Variants in KIAA1671 observed in about 807,000 individuals in gnomAD.
KIAA1671 encodes uncharacterized protein KIAA1671.
Under a neutral mutation model 131.2 loss-of-function variants are expected in KIAA1671, and 52 were observed. The ratio of observed to expected loss-of-function variants is 0.40; its 90% CI spans 0.32 to 0.50. The LOEUF is 0.50. KIAA1671 is among the 20% of genes least tolerant of loss of function. The pLI is 0.73. For missense variants in KIAA1671, 2,360 were observed against 2,364.2 expected (o/e 1.00, Z 0.04); for synonymous variants, 1,003 against 961.6 (o/e 1.04, Z -0.80).
At position 25,156,012 on chromosome 22, in the gene KIAA1671, CTTTTTTTTTT is replaced by C. The variant is rs57822676; in HGVS notation, c.4531-14790_4531-14781del. 2.1e-3 allele frequency among the ~76,000 whole-genome samples: 75 copies of C among 35,342 alleles called. 2 individuals carry two copies. The highest frequency in any genetic ancestry group is 4.9e-3 in the African/African-American group (68 of 13,906). 23.2% of individuals were successfully genotyped at this position (35,342 alleles called of 152,430 possible). On this transcript the variant is annotated intron_variant, in intron 6 of 12. Coordinates refer to ENST00000358431, the MANE Select transcript of KIAA1671 (RefSeq NM_001145206.2). ...TTTTGTGCATGTATGTGTGTATGTG[CTTTTTTTTTT>C]TTTTTTTTTTTTTTTTTGAGATGGA...
intron 1 of KIAA1671, among the ~76,000 whole-genome samples, chr22:24,983,846 T>C (rs1452739179): frequency 6.7e-6 from 1 of 150,220 alleles, no homozygotes; most frequent in Non-Finnish European, 1.5e-5. Context: ...TGGTGCGATC[T>C]CGGCTCACCA....
chr22:25,094,293 C>G (rs1258517967), intron 6 of KIAA1671, among the ~76,000 whole-genome samples: 3 of 152,072 alleles, frequency 2.0e-5, no homozygotes, highest in Non-Finnish European at 2.9e-5. Flanking sequence ...TCCAGAGGGA[C>G]TGGCGTGTTG....
intron 1 of KIAA1671, among the ~76,000 whole-genome samples, chr22:25,016,246 C>T (rs1213087938): frequency 1.3e-5 from 2 of 152,128 alleles, no homozygotes; most frequent in Non-Finnish European, 2.9e-5. Context: ...GTCTCGATCT[C>T]CTGACCTCGT....
chr22:25,029,672 A>T (rs1354230295), intron 3 of KIAA1671, 132 bp downstream of exon 3: 1 of 685,056 alleles, frequency 1.5e-6, no homozygotes, highest in Non-Finnish European at 2.4e-6. Context: ...AGGTAGTGGC[A>T]GTGTCCATTT....
Position 25,062,041 on chromosome 22 carries a change from T to C in KIAA1671, c.4530+12677T>C, listed in dbSNP as rs1344300637. On this transcript the variant is annotated intron_variant, in intron 6 of 12. Transcript: ENST00000358431. ...ATCTCTTCCTCCCTTTTCTCCTCCT[T>C]CTGCACTTTTTTTTTTCTTTTTAAA... 2.0e-5 allele frequency: 3 copies of C among 148,500 alleles called. No individual in the cohort carries two copies. In the South Asian group the frequency reaches 6.5e-4, roughly 32 times the overall value. The allele number at this position is 148,500 out of a possible 1,614,324, so 9.2% of individuals were successfully genotyped here.
intron 1 of KIAA1671, among the ~76,000 whole-genome samples, chr22:25,025,412 C>G (rs2123897261): frequency 6.6e-6 from 1 of 152,262 alleles, no homozygotes; most frequent in South Asian, 2.1e-4. Flanking sequence ...ATAAATGTAT[C>G]AGAGAACAGG....
chr22:24,968,067 C>T (rs1219389006), intron 1 of KIAA1671, among the ~76,000 whole-genome samples: 3 of 152,084 alleles, frequency 2.0e-5, no homozygotes, highest in Non-Finnish European at 2.9e-5. Flanking sequence ...CTTGGAGAGG[C>T]GAGGTGCCTG....
At chr22:24,996,636 C>T (rs1273770834) in intron 1 of KIAA1671, among the ~76,000 whole-genome samples, 1 of 152,102 alleles carries the variant, frequency 6.6e-6, no homozygotes, top group Non-Finnish European at 1.5e-5. Flanking sequence ...GGACATTTGG[C>T]CTCAGTCTGA....
In KIAA1671 at chr22:25,180,852, C is replaced by T. The variant is rs927464628; in HGVS notation, c.5075-847C>T. Among the ~76,000 whole-genome samples, 28 of 152,296 alleles carry T rather than the reference C, an allele frequency of 1.8e-4. 1 individual carries two copies. The highest frequency in any genetic ancestry group is 6.2e-4 in the South Asian group (3 of 4,826). On this transcript the variant is annotated intron_variant, in intron 9 of 12. Coordinates refer to ENST00000358431, the MANE Select transcript of KIAA1671 (RefSeq NM_001145206.2). ...TCTGCACTTTCTTGGTTTTCTGAGC[C>T]AAGTTCTATTAAGCCACCTGGAGCA...
intron 6 of KIAA1671, among the ~76,000 whole-genome samples, chr22:25,126,321 G>A (rs1483971481): frequency 1.3e-5 from 2 of 152,180 alleles, no homozygotes; most frequent in East Asian, 3.9e-4. Flanking sequence ...TTAATTCGTA[G>A]CTAGGAGCCT....
intron 4 of KIAA1671, among the ~76,000 whole-genome samples, chr22:25,036,154 C>T (rs1388618437): frequency 6.6e-6 from 1 of 152,142 alleles, no homozygotes; most frequent in African/African-American, 2.4e-5. Context: ...AATCTCAGCT[C>T]ACTGCAACCT....
At chr22:25,190,455 A>G (rs1359572408) in intron 11 of KIAA1671, among the ~76,000 whole-genome samples, 1 of 152,232 alleles carries the variant, frequency 6.6e-6, no homozygotes, top group Admixed American at 6.5e-5. Context: ...GCCATGGACC[A>G]GTATCGGTCT....
chr22:25,185,073 G>C lies in KIAA1671; in HGVS notation c.5296G>C (p.Val1766Leu). 6.4e-7 allele frequency: 1 copy of C among 1,551,690 alleles called. No individual in the cohort carries two copies. The highest frequency in any genetic ancestry group is 8.7e-7 in the Non-Finnish European group (1 of 1,146,998). ...KSPKSPFQPG[V>L]LGSRVLPSSM... The stretch of plus-strand genomic sequence containing the variant: ...CCCCAAGTCCCCCTTCCAGCCTGGG[G>C]TGCTGGGCAGTCGCGTGCTGCCTTC... Residue 1766 changes from valine to leucine, a missense_variant, in exon 11 of 13, where the codon GTG becomes CTG. By Grantham distance (32) the Val-to-Leu change is conservative. Transcript: ENST00000358431.
intron 6 of KIAA1671, among the ~76,000 whole-genome samples, chr22:25,130,413 G>A (rs1417717100): frequency 1.3e-5 from 2 of 152,212 alleles, no homozygotes; most frequent in South Asian, 4.1e-4. Flanking sequence ...AGAATCCATC[G>A]TATTTGATCC....
At chr22:25,077,944 G>A (rs1036829353) in intron 6 of KIAA1671, among the ~76,000 whole-genome samples, 3 of 152,180 alleles carry the variant, frequency 2.0e-5, no homozygotes, top group Non-Finnish European at 2.9e-5. Flanking sequence ...CCTCTTTGAC[G>A]CTAAGTGCCT....
At chr22:24,998,229 C>T (rs573591835) in intron 1 of KIAA1671, among the ~76,000 whole-genome samples, 1 of 152,000 alleles carries the variant, frequency 6.6e-6, no homozygotes, top group South Asian at 2.1e-4. Context: ...GGTGAAACCC[C>T]ATCTCTACAA....
chr22:24,957,114 T>C (rs924103609), intron 1 of KIAA1671, among the ~76,000 whole-genome samples: 4 of 152,162 alleles, frequency 2.6e-5, no homozygotes, highest in African/African-American at 9.7e-5. Flanking sequence ...AGGGGTGGTA[T>C]GATTATTATC....
chr22:25,154,206 G>A (rs73403567), intron 6 of KIAA1671, among the ~76,000 whole-genome samples: 12 of 152,286 alleles, frequency 7.9e-5, no homozygotes, highest in African/African-American at 2.9e-4. Flanking sequence ...CTGGCCTCTG[G>A]GTTCTCCACA....
rs567245225 is a variant in KIAA1671 at position 25,168,216 on chromosome 22, C to T, written c.4531-2604C>T. On this transcript the variant is annotated intron_variant, in intron 6 of 12. Coordinates refer to ENST00000358431, the MANE Select transcript of KIAA1671 (RefSeq NM_001145206.2). ...TGCCAGGCAGGCTCCAAGAGGGGAACAGAAACATTGGAGCATCCCAGTCTT... is the reference window on the plus strand; with the variant it reads ...TGCCAGGCAGGCTCCAAGAGGGGAATAGAAACATTGGAGCATCCCAGTCTT... 2.6e-5 allele frequency among the ~76,000 whole-genome samples: 4 copies of T among 152,324 alleles called. No homozygotes were observed. In the South Asian group the frequency reaches 8.3e-4, roughly 32 times the overall value.
Sources: allele counts gnomAD v4.1 joint callset (sites outside exome capture counted in the v4.1 genomes callset), GRCh38; gene constraint gnomAD v4.1.1; transcripts MANE v1.5; gene names NCBI Gene and HGNC (gene_info 2026-07-23, HGNC 2026-07-21).